ZEB1: variants seen among roughly 807,000 people sequenced by gnomAD.
ZEB1 encodes zinc finger E-box binding homeobox 1, also known as zinc finger E-box-binding homeobox 1.
Under a neutral mutation model 84.9 loss-of-function variants are expected in ZEB1, and 21 were observed. The observed-to-expected ratio is 0.25, with a 90% CI of 0.18 to 0.36. The LOEUF is 0.36. Among genes scored for constraint, ZEB1 ranks in the 10% least tolerant of loss-of-function variants. ZEB1 has a pLI of 1.00. For synonymous variants in ZEB1, 420 were observed against 471.1 expected (o/e 0.89, Z 1.41); for missense variants, 1,104 against 1,330.2 (o/e 0.83, Z 2.65).
At chr10:31,455,514 C>T (rs1398143995) in intron 1 of ZEB1, among the ~76,000 whole-genome samples, 11 of 152,226 alleles carry the variant, frequency 7.2e-5, no homozygotes, top group Admixed American at 3.3e-4. Context: ...ATCTATCCAT[C>T]TGACAAAGGG....
rs1220402975 is a variant in ZEB1, at chr10:31,526,728, T to G, written c.2842T>G (p.Leu948Val). The change falls in exon 9 of 9, where the codon TTG (leucine) becomes GTG (valine). Residue 948 changes from leucine to valine, a missense_variant. Leu to Val is a conservative substitution (Grantham distance 32). This residue lies in a region of ZEB1 where 53 missense variants were observed against 92.5 expected (regional missense o/e 0.57). Coordinates refer to ENST00000424869, the MANE Select transcript of ZEB1 (RefSeq NM_001174096.2). ...CKKAFKHKHHLIEHMRLHSGE... is the reference protein window; with the variant it reads ...CKKAFKHKHHVIEHMRLHSGE... Reference sequence around the variant, plus strand: ...AAAGGCATTTAAACACAAACATCATTTGATTGAACACATGCGATTACATTC... The same window carrying G: ...AAAGGCATTTAAACACAAACATCATGTGATTGAACACATGCGATTACATTC... The G allele has an allele frequency of 6.2e-7, 1 of 1,614,082 alleles. No homozygotes were observed. The highest frequency in any genetic ancestry group is 2.2e-5 in the East Asian group (1 of 44,836).
chr10:31,432,343 G>A (rs2057811979), intron 1 of ZEB1, among the ~76,000 whole-genome samples: 1 of 152,144 alleles, frequency 6.6e-6, no homozygotes. Flanking sequence ...AATCCTAGCA[G>A]TTTGGGAGGC....
intron 1 of ZEB1, among the ~76,000 whole-genome samples, chr10:31,337,499 A>G (rs2038385232): frequency 6.6e-6 from 1 of 152,060 alleles, no homozygotes; most frequent in Non-Finnish European, 1.5e-5. Flanking sequence ...TTAATCTAAA[A>G]TAGTAACTGA....
intron 1 of ZEB1, among the ~76,000 whole-genome samples, chr10:31,337,344 G>A (rs1022949517): frequency 6.6e-6 from 1 of 151,768 alleles, no homozygotes; most frequent in Non-Finnish European, 1.5e-5. Flanking sequence ...CACAGGTCAG[G>A]ATAATGTGTG....
Position 31,520,049 on chromosome 10 carries a change from G to A in ZEB1, c.794-77G>A, listed in dbSNP as rs2071969011. 36 of 1,551,638 alleles carry A rather than the reference G, an allele frequency of 2.3e-5. No homozygotes were observed. The highest frequency in any genetic ancestry group is 3.1e-5 in the Non-Finnish European group (36 of 1,148,402). ...CTTCTTTTTAAAATTGATACCGCTT[G>A]TTTTAGGGAAATGAGGATACATAAA... On this transcript the variant is annotated intron_variant, in intron 6 of 8. Coordinates refer to ENST00000424869, the MANE Select transcript of ZEB1 (RefSeq NM_001174096.2). This position sits in a 1 kb window ranked among gnomAD's most constrained non-coding sequence, Gnocchi z 5.1.
At chr10:31,363,318 G>T in intron 1 of ZEB1, 1 of 1,533,146 alleles carries the variant, frequency 6.5e-7, no homozygotes, top group East Asian at 2.4e-5. Flanking sequence ...CTCCAGCAGG[G>T]CTGTGTGAAC....
chr10:31,338,879 C>T (rs1388071325), intron 1 of ZEB1, among the ~76,000 whole-genome samples: 1 of 151,946 alleles, frequency 6.6e-6, no homozygotes, highest in Non-Finnish European at 1.5e-5. Context: ...GATATTTATA[C>T]ATCATAAATG....
At chr10:31,341,434 A>G (rs1366631010) in intron 1 of ZEB1, among the ~76,000 whole-genome samples, 1 of 152,186 alleles carries the variant, frequency 6.6e-6, no homozygotes, top group Admixed American at 6.5e-5. Context: ...GATAGCGATG[A>G]CACCAAACAG....
In ZEB1 at chr10:31,405,487, T is replaced by G. The variant is rs187774661; in HGVS notation, c.59-55550T>G. Among the ~76,000 whole-genome samples the G allele has an allele frequency of 1.6e-3, 238 of 152,316 alleles. 2 individuals carry two copies. The highest frequency in any genetic ancestry group is 0.014 in the East Asian group (74 of 5,190). ...TTATATTCAGTACAGTACTTTATTA[T>G]TTAGTAATTATTCTTTCCTAGTATT... On this transcript the variant is annotated intron_variant, in intron 1 of 8. Coordinates refer to ENST00000424869, the MANE Select transcript of ZEB1 (RefSeq NM_001174096.2).
chr10:31,424,034 T>C (rs923012556), intron 1 of ZEB1, among the ~76,000 whole-genome samples: 1 of 152,040 alleles, frequency 6.6e-6, no homozygotes, highest in Non-Finnish European at 1.5e-5. Flanking sequence ...TGTTTTTCTT[T>C]TGTTTGGTTG....
intron 3 of ZEB1, among the ~76,000 whole-genome samples, chr10:31,497,781 CAG>C (rs1448228836): frequency 1.3e-5 from 2 of 152,016 alleles, no homozygotes; most frequent in East Asian, 3.9e-4. Context: ...ACTCAGTAAT[CAG>C]AGTAAAAAAT....
In ZEB1 at chr10:31,411,458, C is replaced by T. The variant is rs1436973169; in HGVS notation, c.59-49579C>T. 5.3e-5 allele frequency among the ~76,000 whole-genome samples: 8 copies of T among 151,974 alleles called. No homozygotes were observed. In the East Asian group the frequency reaches 1.2e-3, roughly 22 times the overall value. ...CATCCTGGCTAACAAGGTGAAACCC[C>T]GTCTCTACTAAAAATACAAAAAAAT... On this transcript the variant is annotated intron_variant, in intron 1 of 8. Transcript: ENST00000424869.
rs1208450813 is a variant in ZEB1 at position 31,444,189 on chromosome 10, T to C, written c.59-16848T>C. On this transcript the variant is annotated intron_variant, in intron 1 of 8. Coordinates refer to ENST00000424869, the MANE Select transcript of ZEB1 (RefSeq NM_001174096.2). Reference sequence around the variant, plus strand: ...TGATGATGAGCATTTTTTCATGTGTTTTTTGGCTGCATAAATGTCTTCTTT... The same window carrying C: ...TGATGATGAGCATTTTTTCATGTGTCTTTTGGCTGCATAAATGTCTTCTTT... Among the ~76,000 whole-genome samples, 1,161 of 144,072 alleles carry C rather than the reference T, an allele frequency of 8.1e-3. 6 individuals are homozygous for C. The highest frequency in any genetic ancestry group is 0.028 in the African/African-American group (1,067 of 38,182). The allele number at this position is 144,072 out of a possible 152,430, so 94.5% of individuals were successfully genotyped here.
intron 1 of ZEB1, among the ~76,000 whole-genome samples, chr10:31,446,967 C>T (rs573232592): frequency 2.4e-4 from 37 of 152,006 alleles, no homozygotes; most frequent in Admixed American, 6.5e-4. Flanking sequence ...CCTGGGTATC[C>T]TTGTTGACTT....
At chr10:31,422,340 T>C (rs1384861569) in intron 1 of ZEB1, among the ~76,000 whole-genome samples, 1 of 152,156 alleles carries the variant, frequency 6.6e-6, no homozygotes, top group African/African-American at 2.4e-5. Context: ...ACCTTAGTTT[T>C]GATGTGTGGA....
intron 1 of ZEB1, among the ~76,000 whole-genome samples, chr10:31,384,151 CT>C (rs2048220259): frequency 6.6e-6 from 1 of 151,564 alleles, no homozygotes; most frequent in East Asian, 1.9e-4. Context: ...AATTTTTGTA[CT>C]TTTAGTAGAG....
chr10:31,374,613 G>A (rs2046278828), intron 1 of ZEB1, among the ~76,000 whole-genome samples: 1 of 151,706 alleles, frequency 6.6e-6, no homozygotes, highest in African/African-American at 2.4e-5. Context: ...GTTCCTATAA[G>A]GGTAGGAACA....
intron 2 of ZEB1, among the ~76,000 whole-genome samples, chr10:31,474,865 G>A (rs1356590488): frequency 6.6e-5 from 10 of 152,084 alleles, no homozygotes; most frequent in Non-Finnish European, 4.4e-5. Context: ...TATACACCAT[G>A]GAATACTATG....
Position 31,495,846 on chromosome 10 carries a change from G to T in ZEB1, c.322+8G>T. On this transcript the variant is annotated splice_region_variant and intron_variant, in intron 3 of 8. Transcript: ENST00000424869. ...ATGAAGCAGGATGTACAGGTACTCT[G>T]CTGCGACTTTCTTTCATACCATAGC... 21 of 1,612,800 alleles carry T rather than the reference G, an allele frequency of 1.3e-5. No individual in the cohort carries two copies. The highest frequency in any genetic ancestry group is 1.7e-5 in the Non-Finnish European group (20 of 1,179,026).
Sources: gnomAD v4.1 joint callset for allele counts (sites outside exome capture counted in the v4.1 genomes callset) on GRCh38, gnomAD v4.1.1 for gene constraint, gnomAD v4.1.1 regional missense constraint, Gnocchi (gnomAD v3.1) non-coding constraint, MANE v1.5 for transcripts, NCBI Gene and HGNC (gene_info 2026-07-23, HGNC 2026-07-21) for gene names.